Variants in KIRREL3 observed in about 807,000 individuals in gnomAD.
KIRREL3 encodes kirre like nephrin family adhesion molecule 3.
Under a neutral mutation model 89.7 loss-of-function variants are expected in KIRREL3, and 36 were observed. The observed-to-expected ratio is 0.40, with a 90% confidence interval of 0.31 to 0.53. The LOEUF (loss-of-function observed/expected upper bound fraction) is 0.53. KIRREL3 is among the 20% of genes least tolerant of loss of function. The pLI is 0.49. For missense variants in KIRREL3, 864 were observed against 1,056.6 expected (o/e 0.82, Z 2.53); for synonymous variants, 445 against 441.4 (o/e 1.01, Z -0.10).
At chr11:126,582,927 A>G (rs1941635114) in intron 1 of KIRREL3, among the ~76,000 whole-genome samples, 1 of 107,726 alleles carries the variant, frequency 9.3e-6, no homozygotes, top group Non-Finnish European at 2.0e-5. Flanking sequence ...ATGAGGGCTT[A>G]GATAGCCTAA....
chr11:126,645,678 A>C lies in KIRREL3; in HGVS notation c.56-82766T>G, dbSNP rs1292148691. ...ACTCTCAAAGCCTTTGTTAATTAAA[A>C]ACACACACAGCTCTTCAGGGAACAT... On this transcript the variant is annotated intron_variant, in intron 1 of 16. Coordinates refer to ENST00000525144, the MANE Select transcript of KIRREL3 (RefSeq NM_032531.4). The surrounding 1 kb of genome is among the most constrained non-coding windows in gnomAD (Gnocchi z 4.9). Among the ~76,000 whole-genome samples the C allele has an allele frequency of 2.0e-5, 3 of 152,162 alleles. No homozygotes were observed. The highest frequency in any genetic ancestry group is 4.8e-5 in the African/African-American group (2 of 41,428).
intron 4 of KIRREL3, among the ~76,000 whole-genome samples, chr11:126,480,699 A>ACTCT (rs1240669992): frequency 6.6e-6 from 1 of 151,704 alleles, no homozygotes; most frequent in Non-Finnish European, 1.5e-5. Context: ...CCTGGCAGGT[A>ACTCT]CTCTCCTCCC....
Position 126,912,500 on chromosome 11 carries a change from A to G in KIRREL3, c.55+87955T>C, listed in dbSNP as rs1946864476. On this transcript the variant is annotated intron_variant, in intron 1 of 16. Transcript: ENST00000525144. This position sits in a 1 kb window ranked among gnomAD's most constrained non-coding sequence, Gnocchi z 4.7. The stretch of plus-strand genomic sequence containing the variant: ...TAAGCACCCCTCACAGTAGGCATCA[A>G]CCAAGAACATATCACACTCACCTAC... Among the ~76,000 whole-genome samples the G allele has an allele frequency of 6.6e-6, 1 of 152,198 alleles. No homozygotes were observed. The highest frequency in any genetic ancestry group is 6.5e-5 in the Admixed American group (1 of 15,286).
intron 7 of KIRREL3, among the ~76,000 whole-genome samples, chr11:126,451,400 ATGTGTGCATG>A (rs750997267): frequency 2.6e-3 from 188 of 73,080 alleles, no homozygotes; most frequent in Non-Finnish European, 4.0e-3. Context: ...GAACGTGTGC[ATGTGTGCATG>A]TGTGTGCATG....
rs1238425437 is a variant in KIRREL3 at position 126,523,242 on chromosome 11, G to A, written c.284-1778C>T. On this transcript the variant is annotated intron_variant, in intron 3 of 16. Coordinates refer to ENST00000525144, the MANE Select transcript of KIRREL3 (RefSeq NM_032531.4). The surrounding 1 kb of genome is among the most constrained non-coding windows in gnomAD (Gnocchi z 4.9). ...GGTTGGATGATCGCCTCTCAGGGAT[G>A]TTGCAGAGGTGATTTCTACACCGGG... 6.6e-6 allele frequency among the ~76,000 whole-genome samples: 1 copy of A among 152,144 alleles called. No individual in the cohort carries two copies. Among genetic ancestry groups the A allele is most frequent in the Non-Finnish European group, 1.5e-5 (1 of 68,030 alleles).
intron 1 of KIRREL3, among the ~76,000 whole-genome samples, chr11:126,869,346 C>T (rs1945028794): frequency 6.6e-6 from 1 of 152,038 alleles, no homozygotes; most frequent in Non-Finnish European, 1.5e-5. Flanking sequence ...TCATGACTTG[C>T]TGGATAAGGA....
chr11:126,881,875 A>C (rs1278504200), intron 1 of KIRREL3, among the ~76,000 whole-genome samples: 4 of 152,170 alleles, frequency 2.6e-5, no homozygotes, highest in African/African-American at 9.7e-5. Context: ...CCGAAACAAC[A>C]GGTGTCTGAT....
At chr11:126,818,820 T>A (rs554854861) in intron 1 of KIRREL3, among the ~76,000 whole-genome samples, 86 of 138,206 alleles carry the variant, frequency 6.2e-4, no homozygotes, top group African/African-American at 2.3e-3. Flanking sequence ...GCCTCTACTC[T>A]ACCTGCAGCT....
chr11:126,475,544 C>G lies in KIRREL3; in HGVS notation c.434-2078G>C, dbSNP rs904932710. On this transcript the variant is annotated intron_variant, in intron 4 of 16. Coordinates refer to ENST00000525144, the MANE Select transcript of KIRREL3 (RefSeq NM_032531.4). The surrounding 1 kb of genome is among the most constrained non-coding windows in gnomAD (Gnocchi z 7.5). ...GGGCTTCCGAGAAGCCATCACTGAC[C>G]CCAGGGGCAGCGAGCCCCGGACTCC... Among the ~76,000 whole-genome samples, 2 of 152,170 alleles carry G rather than the reference C, an allele frequency of 1.3e-5. No individual in the cohort carries two copies. The highest frequency in any genetic ancestry group is 2.9e-5 in the Non-Finnish European group (2 of 68,020).
intron 1 of KIRREL3, among the ~76,000 whole-genome samples, chr11:126,831,380 GTC>G (rs1453726784): frequency 1.3e-5 from 2 of 151,376 alleles, no homozygotes; most frequent in East Asian, 2.0e-4. Context: ...GCCTCTCTCT[GTC>G]TCTCTTTCTC....
chr11:126,886,777 C>T (rs575693999), intron 1 of KIRREL3, among the ~76,000 whole-genome samples: 1 of 152,254 alleles, frequency 6.6e-6, no homozygotes, highest in African/African-American at 2.4e-5. Flanking sequence ...CAGGGTGACC[C>T]AGTGCCAGAA....
chr11:126,916,149 C>A (rs1947028739), intron 1 of KIRREL3, among the ~76,000 whole-genome samples: 1 of 152,024 alleles, frequency 6.6e-6, no homozygotes. Flanking sequence ...GTAGGGTGAT[C>A]CTTAGATTAT....
chr11:126,937,664 C>G (rs1475545608), intron 1 of KIRREL3, among the ~76,000 whole-genome samples: 2 of 151,788 alleles, frequency 1.3e-5, no homozygotes, highest in Non-Finnish European at 2.9e-5. Flanking sequence ...ACTTTGGAGG[C>G]CAAGGCGGGT....
Position 126,569,850 on chromosome 11 carries a change from G to A in KIRREL3, c.56-6938C>T, listed in dbSNP as rs1465965905. Reference sequence around the variant, plus strand: ...TTTTGTCTATCAATAGCCATCAGTAGCCATTCTGCCCAGCGATGCCATTCT... The same window carrying A: ...TTTTGTCTATCAATAGCCATCAGTAACCATTCTGCCCAGCGATGCCATTCT... On this transcript the variant is annotated intron_variant, in intron 1 of 16. Transcript: ENST00000525144. The surrounding 1 kb of genome is among the most constrained non-coding windows in gnomAD (Gnocchi z 6.5). Among the ~76,000 whole-genome samples the A allele has an allele frequency of 1.3e-5, 2 of 152,122 alleles. No homozygotes were observed. The highest frequency in any genetic ancestry group is 2.9e-5 in the Non-Finnish European group (2 of 68,026).
rs187351679 is a variant in KIRREL3 at position 126,750,058 on chromosome 11, C to A, written c.56-187146G>T. Among the ~76,000 whole-genome samples, 72 of 152,292 alleles carry A rather than the reference C, an allele frequency of 4.7e-4. No individual in the cohort carries two copies. Among genetic ancestry groups the A allele is most frequent in the Non-Finnish European group, 8.7e-4 (59 of 68,026 alleles). On this transcript the variant is annotated intron_variant, in intron 1 of 16. Transcript: ENST00000525144. The surrounding 1 kb of genome is among the most constrained non-coding windows in gnomAD (Gnocchi z 4.2). Reference sequence around the variant, plus strand: ...GTTTAGTTTCCTCATCTGTAAAATGCAGGCTGTGCTACTTAAATGGGGGCT... The same window carrying A: ...GTTTAGTTTCCTCATCTGTAAAATGAAGGCTGTGCTACTTAAATGGGGGCT...
At chr11:126,633,666 C>T (rs1944143605) in intron 1 of KIRREL3, among the ~76,000 whole-genome samples, 1 of 152,202 alleles carries the variant, frequency 6.6e-6, no homozygotes, top group Non-Finnish European at 1.5e-5. Context: ...CTTGCACACC[C>T]TACATAACCA....
In KIRREL3 at chr11:126,520,872, G is replaced by T. The variant is rs1002483983; in HGVS notation, c.433+443C>A. ...GGATACTAGAATCATGGGGAGAATC[G>T]GGCTGATTCTACAGAGAAGGTGGAA... On this transcript the variant is annotated intron_variant, in intron 4 of 16. Transcript: ENST00000525144. This position sits in a 1 kb window ranked among gnomAD's most constrained non-coding sequence, Gnocchi z 4.9. Among the ~76,000 whole-genome samples the T allele has an allele frequency of 6.6e-6, 1 of 152,144 alleles. No homozygotes were observed. The highest frequency in any genetic ancestry group is 2.4e-5 in the African/African-American group (1 of 41,440).
rs1042489094 is a variant in KIRREL3, at chr11:126,456,444, C to T, written c.753G>A (p.Leu251=). 6 of 1,578,908 alleles carry T rather than the reference C, an allele frequency of 3.8e-6. No individual in the cohort carries two copies. Among genetic ancestry groups the T allele is most frequent in the Non-Finnish European group, 5.2e-6 (6 of 1,162,644 alleles). Residue 251 remains leucine, a synonymous_variant, in exon 7 of 17, where the codon CTG becomes CTA. Transcript: ENST00000525144. ...SVTIDIQHPP[L]VNLSVEPQPV... ...GCTGTGGCTCCACCGAGAGGTTGAC[C>T]AGTGGAGGGTCTGCAGGGAGAGGAG... is the stretch of plus-strand genomic sequence containing the variant.
chr11:126,934,338 G>C (rs142836893), intron 1 of KIRREL3, among the ~76,000 whole-genome samples: 18 of 152,202 alleles, frequency 1.2e-4, no homozygotes, highest in African/African-American at 3.6e-4. Context: ...CATAAATGTA[G>C]AAGCTAAAAC....
Sources: allele counts gnomAD v4.1 joint callset (sites outside exome capture counted in the v4.1 genomes callset), GRCh38; gene constraint gnomAD v4.1.1; non-coding constraint Gnocchi (gnomAD v3.1); transcripts MANE v1.5; gene names NCBI Gene and HGNC (gene_info 2026-07-23, HGNC 2026-07-21).